Variants in B3GAT3 observed in about 807,000 individuals in gnomAD.
B3GAT3 encodes galactosylgalactosylxylosylprotein 3-beta-glucuronosyltransferase 3.
In B3GAT3, 19 loss-of-function variants were observed where a neutral mutation model predicts 33.1. The ratio of observed to expected loss-of-function variants is 0.57; its 90% CI spans 0.40 to 0.84. The LOEUF is 0.84. Ranked by LOEUF, B3GAT3 falls within the 40% of genes least tolerant of loss-of-function variation. The pLI is 0.00. For synonymous variants in B3GAT3, 167 were observed against 193.5 expected (o/e 0.86, Z 1.14); for missense variants, 344 against 441.5 (o/e 0.78, Z 1.98).
At chr11:62,619,769 C>A (rs1943110278) in intron 2 of B3GAT3, among the ~76,000 whole-genome samples, 1 of 136,112 alleles carries the variant, frequency 7.3e-6, no homozygotes, top group East Asian at 2.5e-4. Flanking sequence ...GTCTCAAACT[C>A]CTGAGCTCAG....
At chr11:62,618,968 G>GT (rs1943088337) in intron 2 of B3GAT3, among the ~76,000 whole-genome samples, 1 of 151,284 alleles carries the variant, frequency 6.6e-6, no homozygotes, top group Non-Finnish European at 1.5e-5. Context: ...GGGCGACAGA[G>GT]TGAGACTCCA....
chr11:62,621,274 T>C (rs1363663666), intron 1 of B3GAT3: 2 of 456,508 alleles, frequency 4.4e-6, no homozygotes, highest in Non-Finnish European at 8.8e-6. Flanking sequence ...GAGCTTTCTG[T>C]TTAGTGGAGG....
At chr11:62,620,981 A>G (rs1590780358) in intron 1 of B3GAT3, 2 of 538,320 alleles carry the variant, frequency 3.7e-6, no homozygotes, top group East Asian at 8.5e-5. Context: ...CTTAAACAGG[A>G]CAGTCTTTTC....
chr11:62,615,895 T>C (rs1565074796), intron 4 of B3GAT3, 96 bp from the exon 5 acceptor site: 7 of 1,550,792 alleles, frequency 4.5e-6, no homozygotes, highest in Middle Eastern at 1.7e-4. Context: ...TATCGACATA[T>C]ACAGTATAGG....
intron 2 of B3GAT3, among the ~76,000 whole-genome samples, chr11:62,619,125 TG>T (rs1266051127): frequency 2.0e-5 from 3 of 149,668 alleles, no homozygotes; most frequent in East Asian, 3.9e-4. Context: ...CACTCCAGCC[TG>T]GGCAACAGAG....
At chr11:62,615,967 G>A (rs187013222) in intron 4 of B3GAT3, 168 bp from the exon 5 acceptor site, 13 of 1,491,804 alleles carry the variant, frequency 8.7e-6, no homozygotes, top group African/African-American at 4.2e-5. Context: ...GGCCTTGGCC[G>A]GGCGCGTGGC....
intron 1 of B3GAT3, chr11:62,621,380 G>T (rs1943141165): frequency 4.4e-6 from 2 of 453,664 alleles, no homozygotes; most frequent in Non-Finnish European, 8.9e-6. Flanking sequence ...AAAAGGGAAT[G>T]GAATTAAGAA....
chr11:62,621,985 G>T lies in B3GAT3; in HGVS notation c.-38C>A. On this transcript the variant is annotated 5_prime_UTR_variant, in exon 1 of 5. Coordinates refer to ENST00000265471, the MANE Select transcript of B3GAT3 (RefSeq NM_012200.4). ...GCCCGCGCCCGAGCAGGCGGGGTCT[G>T]CAGGGGACGAGGGGTTCCCGCCCCA... The T allele has an allele frequency of 1.9e-6, 3 of 1,610,436 alleles. No individual in the cohort carries two copies. The highest frequency in any genetic ancestry group is 2.5e-6 in the Non-Finnish European group (3 of 1,177,964).
Position 62,617,224 on chromosome 11 carries a change from G to A in B3GAT3, c.381C>T (p.Ala127=), listed in dbSNP as rs1590775737. The stretch of plus-strand genomic sequence containing the variant: ...CCAGGTGTGTGAAGAGGAGGCCAGA[G>A]GCAGCCAGCAGCCCTGAGACCAGCG... ...PTPLVSGLLA[A]SGLLFTHLVV... is the part of the protein sequence containing the mutation. The change falls in exon 3 of 5, where the codon GCC becomes GCT. Residue 127 remains alanine, a synonymous_variant. Coordinates refer to ENST00000265471, the MANE Select transcript of B3GAT3 (RefSeq NM_012200.4). 2 of 1,613,676 alleles carry A rather than the reference G, an allele frequency of 1.2e-6. No individual in the cohort carries two copies. The highest frequency in any genetic ancestry group is 1.7e-5 in the Admixed American group (1 of 59,952).
chr11:62,616,410 C>T (rs1943027722), intron 4 of B3GAT3, 96 bp downstream of exon 4: 4 of 1,544,050 alleles, frequency 2.6e-6, no homozygotes, highest in Admixed American at 3.3e-5. Context: ...GAGAGTCCCT[C>T]CTGGTTAAAC....
chr11:62,619,393 A>G (rs1161756589), intron 2 of B3GAT3, among the ~76,000 whole-genome samples: 3 of 152,110 alleles, frequency 2.0e-5, no homozygotes, highest in Non-Finnish European at 4.4e-5. Flanking sequence ...ACATTCCCCA[A>G]TTGGTTTTAT....
Position 62,615,420 on chromosome 11 carries a change from A to G in B3GAT3, c.*281T>C. On this transcript the variant is annotated 3_prime_UTR_variant, in exon 5 of 5. Coordinates refer to ENST00000265471, the MANE Select transcript of B3GAT3 (RefSeq NM_012200.4). ...GCCCCAATAAGTTACCCAGTTACTCAGCTGCCCTCCCTCCTGGGTCCATCT... is the reference window on the plus strand; with the variant it reads ...GCCCCAATAAGTTACCCAGTTACTCGGCTGCCCTCCCTCCTGGGTCCATCT... The G allele has an allele frequency of 1.8e-6, 1 of 565,600 alleles. No homozygotes were observed. Among genetic ancestry groups the G allele is most frequent in the Non-Finnish European group, 3.1e-6 (1 of 317,978 alleles). The allele number at this position is 565,600 out of a possible 1,614,324, so 35.0% of individuals were successfully genotyped here. A position where few individuals can be genotyped will look rare whatever the true frequency, so the allele number is the denominator to read the frequency against.
At chr11:62,615,966 C>T (rs1359947025) in intron 4 of B3GAT3, 167 bp from the exon 5 acceptor site, 20 of 1,492,682 alleles carry the variant, frequency 1.3e-5, no homozygotes, top group Middle Eastern at 2.1e-4. Context: ...GGGCCTTGGC[C>T]GGGCGCGTGG....
chr11:62,619,699 CTTTTTTTTTTT>C (rs5792264), intron 2 of B3GAT3, among the ~76,000 whole-genome samples: 3 of 85,700 alleles, frequency 3.5e-5, no homozygotes, highest in Admixed American at 1.6e-4. Flanking sequence ...GCCTAGCTAA[CTTTTTTTTTTT>C]TTTTTTTTTT....
chr11:62,617,260 C>T lies in B3GAT3; in HGVS notation c.345G>A (p.Glu115=), dbSNP rs770392291. The T allele has an allele frequency of 1.1e-5, 17 of 1,613,082 alleles. No homozygotes were observed. The Admixed American group carries it at 2.0e-4, about 19-fold the overall frequency. The change falls in exon 3 of 5, where the codon GAG becomes GAA. Residue 115 remains glutamate, a synonymous_variant. Transcript: ENST00000265471. ...GCCCTGAGACCAGCGGGGTGGGACC[C>T]TCAGCATCCTCCACCAGCAGCCAAT... is the stretch of plus-strand genomic sequence containing the variant. ...RLHWLLVEDA[E]GPTPLVSGLL...
chr11:62,617,230 C>T lies in B3GAT3; in HGVS notation c.375G>A (p.Leu125=). Residue 125 remains leucine, a synonymous_variant, in exon 3 of 5, where the codon CTG becomes CTA. Transcript: ENST00000265471. ...GTGTGAAGAGGAGGCCAGAGGCAGC[C>T]AGCAGCCCTGAGACCAGCGGGGTGG... ...EGPTPLVSGL[L]AASGLLFTHL... 1 of 1,613,596 alleles carries T rather than the reference C, an allele frequency of 6.2e-7. No homozygotes were observed. Among genetic ancestry groups the T allele is most frequent in the Admixed American group, 1.7e-5 (1 of 59,956 alleles).
intron 2 of B3GAT3, among the ~76,000 whole-genome samples, chr11:62,618,839 C>T (rs1403272844): frequency 4.7e-5 from 7 of 150,358 alleles, no homozygotes; most frequent in South Asian, 2.1e-4. Context: ...AAAAATTAGC[C>T]GGGTGTGGTG....
intron 4 of B3GAT3, 181 bp downstream of exon 4, chr11:62,616,325 T>C: frequency 3.5e-6 from 3 of 851,102 alleles, no homozygotes; most frequent in Non-Finnish European, 5.6e-6. Flanking sequence ...CGGGGCAGAG[T>C]GGCAGGAGAC....
chr11:62,618,055 T>TAATC (rs1480195225), intron 2 of B3GAT3, among the ~76,000 whole-genome samples: 5 of 151,676 alleles, frequency 3.3e-5, no homozygotes, highest in Admixed American at 1.3e-4. Context: ...CAGTCACCTG[T>TAATC]AATCCTAGCT....
Sources: allele counts gnomAD v4.1 joint callset (sites outside exome capture counted in the v4.1 genomes callset), GRCh38; gene constraint gnomAD v4.1.1; transcripts MANE v1.5; gene names NCBI Gene and HGNC (gene_info 2026-07-23, HGNC 2026-07-21).